The following ZMAT4 variants were observed in gnomAD, a reference collection of about 807,000 sequenced individuals.
The protein encoded by ZMAT4 is zinc finger matrin-type 4, also known as zinc finger matrin-type protein 4.
In ZMAT4, 17 loss-of-function variants were observed where a neutral mutation model predicts 28.7. The ratio of observed to expected loss-of-function variants is 0.59; its 90% CI spans 0.41 to 0.89. The LOEUF (loss-of-function observed/expected upper bound fraction) is 0.89. Among genes scored for constraint, ZMAT4 ranks in the 40% least tolerant of loss-of-function variants. The pLI is 0.00. For synonymous variants in ZMAT4, 117 were observed against 109.2 expected, an observed-to-expected ratio of 1.07 and a Z score of -0.44; for missense variants, 240 against 283.8, an observed-to-expected ratio of 0.85 and a Z score of 1.11.
intron 6 of ZMAT4, among the ~76,000 whole-genome samples, chr8:40,569,463 G>T (rs1411139250): frequency 6.6e-6 from 1 of 152,142 alleles, no homozygotes; most frequent in African/African-American, 2.4e-5. Flanking sequence ...TGAAATGTAT[G>T]AGAAGGCACT....
At chr8:40,606,712 T>G (rs1459488911) in intron 5 of ZMAT4, among the ~76,000 whole-genome samples, 1 of 152,192 alleles carries the variant, frequency 6.6e-6, no homozygotes, top group African/African-American at 2.4e-5. Context: ...TTCTTGTATT[T>G]GAATGTCTAG....
intron 5 of ZMAT4, among the ~76,000 whole-genome samples, chr8:40,621,853 G>A (rs1168751560): frequency 6.6e-6 from 1 of 152,290 alleles, no homozygotes; most frequent in Middle Eastern, 3.4e-3. Flanking sequence ...ATTGTTCAAG[G>A]CAAGTTAAAT....
At chr8:40,811,889 G>A (rs549600809) in intron 2 of ZMAT4, among the ~76,000 whole-genome samples, 84 of 152,206 alleles carry the variant, frequency 5.5e-4, no homozygotes, top group African/African-American at 1.9e-3. Context: ...CCAGCACTTC[G>A]GGAGGCTGAG....
At chr8:40,542,666 C>T (rs376857565) in intron 6 of ZMAT4, among the ~76,000 whole-genome samples, 1 of 152,080 alleles carries the variant, frequency 6.6e-6, no homozygotes, top group Admixed American at 6.6e-5. Context: ...TGGAATTATA[C>T]GCATGAACCA....
chr8:40,700,593 T>G (rs1207679153), intron 3 of ZMAT4, among the ~76,000 whole-genome samples: 1 of 151,946 alleles, frequency 6.6e-6, no homozygotes, highest in East Asian at 1.9e-4. Flanking sequence ...TAATACTTTT[T>G]TATTGTTTGT....
chr8:40,574,381 T>C (rs985380254), intron 6 of ZMAT4, among the ~76,000 whole-genome samples: 1 of 152,102 alleles, frequency 6.6e-6, no homozygotes, highest in Non-Finnish European at 1.5e-5. Context: ...TAATATACTT[T>C]GACTATATAA....
intron 5 of ZMAT4, among the ~76,000 whole-genome samples, chr8:40,638,778 C>A (rs951435239): frequency 6.6e-6 from 1 of 152,168 alleles, no homozygotes; most frequent in African/African-American, 2.4e-5. Context: ...ATGATTATAT[C>A]CACTATTTGG....
chr8:40,894,207 G>A (rs533432407), intron 1 of ZMAT4, among the ~76,000 whole-genome samples: 9 of 152,166 alleles, frequency 5.9e-5, no homozygotes, highest in East Asian at 3.9e-4. Flanking sequence ...ACTGTGCTTC[G>A]AAGCATCTGC....
chr8:40,821,759 G>A (rs912776549), intron 2 of ZMAT4, among the ~76,000 whole-genome samples: 2 of 152,156 alleles, frequency 1.3e-5, no homozygotes, highest in East Asian at 3.9e-4. Flanking sequence ...GAAATATTCA[G>A]TTATAGAGTT....
chr8:40,631,575 G>A (rs953392045), intron 5 of ZMAT4, among the ~76,000 whole-genome samples: 1 of 152,194 alleles, frequency 6.6e-6, no homozygotes, highest in Non-Finnish European at 1.5e-5. Context: ...TCCCTGTTCT[G>A]GCCTGTTCCT....
intron 2 of ZMAT4, among the ~76,000 whole-genome samples, chr8:40,796,721 A>T (rs1458157180): frequency 2.0e-5 from 3 of 152,084 alleles, no homozygotes; most frequent in Non-Finnish European, 2.9e-5. Flanking sequence ...AGTCTGAAAC[A>T]TTTTTCACAG....
intron 5 of ZMAT4, among the ~76,000 whole-genome samples, chr8:40,591,064 G>T (rs553086045): frequency 1.3e-5 from 2 of 152,056 alleles, no homozygotes; most frequent in Non-Finnish European, 2.9e-5. Flanking sequence ...GAGGAGTGGG[G>T]TGCTAGTGGC....
chr8:40,807,668 C>T (rs1815143519), intron 2 of ZMAT4, among the ~76,000 whole-genome samples: 1 of 152,172 alleles, frequency 6.6e-6, no homozygotes, highest in Non-Finnish European at 1.5e-5. Flanking sequence ...CTTTCAGGTG[C>T]TAATACAGTA....
chr8:40,764,553 A>G (rs4313143), intron 3 of ZMAT4, among the ~76,000 whole-genome samples: 146,910 of 152,160 alleles, frequency 0.97, 71,133 homozygotes, highest in East Asian at 1. Context: ...CTCTGTTTAC[A>G]AAGCCATACG....
chr8:40,844,596 T>A (rs761238101), intron 1 of ZMAT4, among the ~76,000 whole-genome samples: 7 of 151,856 alleles, frequency 4.6e-5, no homozygotes, highest in African/African-American at 7.3e-5. Flanking sequence ...ATCTCATATA[T>A]GTATATATAC....
intron 5 of ZMAT4, among the ~76,000 whole-genome samples, chr8:40,643,697 A>T (rs1370193671): frequency 1.3e-5 from 2 of 151,174 alleles, no homozygotes; most frequent in African/African-American, 4.9e-5. Context: ...TCTATAGAAA[A>T]CTCCCCAAAA....
intron 4 of ZMAT4, chr8:40,697,000 A>T (rs2150494069): frequency 2.6e-6 from 1 of 392,150 alleles, no homozygotes; most frequent in Non-Finnish European, 4.6e-6. Context: ...TCTTCAGCAG[A>T]TGCAAGCTGC....
chr8:40,723,837 G>C (rs894130609), intron 3 of ZMAT4, among the ~76,000 whole-genome samples: 6 of 152,090 alleles, frequency 3.9e-5, no homozygotes, highest in African/African-American at 1.4e-4. Context: ...GGTGGAGAGG[G>C]GGACTGTGTC....
chr8:40,785,136 C>T (rs1395448916), intron 2 of ZMAT4, among the ~76,000 whole-genome samples: 1 of 152,202 alleles, frequency 6.6e-6, no homozygotes, highest in Non-Finnish European at 1.5e-5. Context: ...CATATGCCTC[C>T]CTTTGATATA....
Sources: allele counts gnomAD v4.1 joint callset (sites outside exome capture counted in the v4.1 genomes callset), GRCh38; gene constraint gnomAD v4.1.1; transcripts MANE v1.5; gene names NCBI Gene and HGNC (gene_info 2026-07-23, HGNC 2026-07-21).